Variants in KAT2B observed in about 807,000 individuals in gnomAD.
KAT2B encodes lysine acetyltransferase 2B.
In KAT2B, 36 loss-of-function variants were observed where a neutral mutation model predicts 105.9. That is an observed-to-expected ratio of 0.34 (90% confidence interval 0.26 to 0.45). The LOEUF (loss-of-function observed/expected upper bound fraction) is 0.45. KAT2B is among the 20% of genes least tolerant of loss of function. The pLI is 1.00. For synonymous variants in KAT2B, 397 were observed against 377.9 expected, an observed-to-expected ratio of 1.05 and a Z score of -0.59; for missense variants, 820 against 1,021.6, an observed-to-expected ratio of 0.80 and a Z score of 2.69.
At chr3:20,062,103 A>AT (rs1559514083) in intron 1 of KAT2B, among the ~76,000 whole-genome samples, 4 of 49,816 alleles carry the variant, frequency 8.0e-5, no homozygotes, top group African/African-American at 3.6e-4. Context: ...TAAAACATAT[A>AT]ATATATATTA....
rs543445354 is a variant in KAT2B at position 20,056,533 on chromosome 3, A to G, written c.303+15753A>G. Among the ~76,000 whole-genome samples the G allele has an allele frequency of 1.7e-3, 265 of 152,362 alleles. 2 individuals carry two copies. Among genetic ancestry groups the G allele is most frequent in the African/African-American group, 6.0e-3 (251 of 41,586 alleles). ...GAATCTGGGACATTCTGAATGCCTCATAGATGTCAGTTACTGTTACAATTA... is the reference window on the plus strand; with the variant it reads ...GAATCTGGGACATTCTGAATGCCTCGTAGATGTCAGTTACTGTTACAATTA... On this transcript the variant is annotated intron_variant, in intron 1 of 17. Coordinates refer to ENST00000263754, the MANE Select transcript of KAT2B (RefSeq NM_003884.5).
chr3:20,106,043 G>A (rs1698996171), intron 5 of KAT2B, among the ~76,000 whole-genome samples: 1 of 152,050 alleles, frequency 6.6e-6, no homozygotes, highest in African/African-American at 2.4e-5. Context: ...TAAGTAACTG[G>A]GCCTCAGTCC....
At position 20,040,446 on chromosome 3, in the gene KAT2B, A is replaced by G. The variant is rs1266246680; in HGVS notation, c.-32A>G. ...CCTGGCGGCGGCGGCGGCGCCTGAC[A>G]CTCGGCGCCTCCTGCCGTGCTCCGG... On this transcript the variant is annotated 5_prime_UTR_variant, in exon 1 of 18. Transcript: ENST00000263754. 5.2e-5 allele frequency: 57 copies of G among 1,088,456 alleles called. No individual in the cohort carries two copies. The highest frequency in any genetic ancestry group is 2.1e-4 in the Admixed American group (4 of 18,894). 67.4% of individuals were successfully genotyped at this position (1,088,456 alleles called of 1,614,324 possible).
intron 14 of KAT2B, among the ~76,000 whole-genome samples, chr3:20,147,490 G>A (rs1448148624): frequency 1.3e-5 from 2 of 152,058 alleles, no homozygotes; most frequent in Non-Finnish European, 2.9e-5. Flanking sequence ...GGAAAGAACA[G>A]GAAATCACAT....
intron 17 of KAT2B, among the ~76,000 whole-genome samples, chr3:20,149,696 T>C (rs1368199331): frequency 2.0e-5 from 3 of 152,106 alleles, no homozygotes; most frequent in African/African-American, 7.2e-5. Context: ...CACATCTATA[T>C]GCTTTTCTTT....
At chr3:20,070,594 G>A (rs758369735) in intron 1 of KAT2B, among the ~76,000 whole-genome samples, 76 of 150,914 alleles carry the variant, frequency 5.0e-4, no homozygotes, top group Non-Finnish European at 8.6e-4. Flanking sequence ...GTGACCCACC[G>A]TGCCCGGCCT....
At chr3:20,134,023 T>C (rs1699557299) in intron 11 of KAT2B, among the ~76,000 whole-genome samples, 1 of 151,976 alleles carries the variant, frequency 6.6e-6, no homozygotes, top group East Asian at 1.9e-4. Context: ...ATGTTGCAAC[T>C]ACACCCCCCC....
chr3:20,125,715 C>T (rs965488574), intron 9 of KAT2B, among the ~76,000 whole-genome samples, 190 bp from the exon 10 acceptor site: 1 of 152,180 alleles, frequency 6.6e-6, no homozygotes, highest in African/African-American at 2.4e-5. Context: ...CCTGCCTTTT[C>T]TGTCTTGTCT....
chr3:20,137,127 A>C (rs2125188974), intron 12 of KAT2B, 75 bp downstream of exon 12: 1 of 757,644 alleles, frequency 1.3e-6, no homozygotes, highest in South Asian at 1.6e-5. Context: ...TCTTCCAAAT[A>C]AGTTTCTCCC....
chr3:20,152,734 A>T lies in KAT2B; in HGVS notation c.*209A>T. 4.9e-6 allele frequency: 2 copies of T among 411,018 alleles called. No individual in the cohort carries two copies. Among genetic ancestry groups the T allele is most frequent in the Non-Finnish European group, 8.9e-6 (2 of 225,716 alleles). 25.5% of individuals were successfully genotyped at this position (411,018 alleles called of 1,614,324 possible). On this transcript the variant is annotated 3_prime_UTR_variant, in exon 18 of 18. Transcript: ENST00000263754. ...AGGACATTTTTATTTTATGGAATAGATTTTAATCTATTTACTACTATTAAG... is the reference window on the plus strand; with the variant it reads ...AGGACATTTTTATTTTATGGAATAGTTTTTAATCTATTTACTACTATTAAG...
chr3:20,151,299 G>C (rs910646642), intron 17 of KAT2B, among the ~76,000 whole-genome samples: 9 of 152,146 alleles, frequency 5.9e-5, no homozygotes, highest in Non-Finnish European at 1.3e-4. Flanking sequence ...TGATGCAAAT[G>C]AATTCCTTCC....
At chr3:20,061,394 G>T (rs537202886) in intron 1 of KAT2B, among the ~76,000 whole-genome samples, 60 of 152,248 alleles carry the variant, frequency 3.9e-4, no homozygotes, top group Non-Finnish European at 8.4e-4. Flanking sequence ...TGCTGGGGTT[G>T]CTTGGACCTT....
chr3:20,072,568 A>G (rs1390352210), intron 2 of KAT2B, 109 bp downstream of exon 2: 14 of 1,009,352 alleles, frequency 1.4e-5, no homozygotes, highest in African/African-American at 3.2e-5. Flanking sequence ...GTACCTCTGT[A>G]TGAGAGCAAC....
intron 1 of KAT2B, among the ~76,000 whole-genome samples, chr3:20,041,866 A>G (rs1040306041): frequency 2.0e-5 from 3 of 152,234 alleles, no homozygotes; most frequent in African/African-American, 7.2e-5. Flanking sequence ...TGACATAACT[A>G]TAATTTATTC....
At chr3:20,126,425 T>C (rs774160523) in intron 10 of KAT2B, among the ~76,000 whole-genome samples, 1 of 152,206 alleles carries the variant, frequency 6.6e-6, no homozygotes, top group African/African-American at 2.4e-5. Flanking sequence ...AATCAAAATA[T>C]TGGTTTTGGT....
intron 11 of KAT2B, among the ~76,000 whole-genome samples, chr3:20,134,694 A>C (rs1470187479): frequency 1.3e-5 from 2 of 152,220 alleles, no homozygotes; most frequent in Non-Finnish European, 2.9e-5. Context: ...GGCGTGAGCC[A>C]CTAGGATTAT....
At chr3:20,072,648 G>A (rs1698345899) in intron 2 of KAT2B, among the ~76,000 whole-genome samples, 189 bp downstream of exon 2, 1 of 152,216 alleles carries the variant, frequency 6.6e-6, no homozygotes, top group African/African-American at 2.4e-5. Context: ...GCTGCACTGT[G>A]TGCAGTGACT....
chr3:20,140,329 A>C lies in KAT2B; in HGVS notation c.1969A>C (p.Thr657Pro), dbSNP rs1332566768. 1.2e-6 allele frequency: 2 copies of C among 1,613,890 alleles called. No homozygotes were observed. The highest frequency in any genetic ancestry group is 1.3e-5 in the African/African-American group (1 of 74,924). Reference protein sequence around the residue: ...GCELNPRIPYTEFSVIIKKQK... With the variant: ...GCELNPRIPYPEFSVIIKKQK... ...TGAGCTAAATCCACGGATCCCGTAC[A>C]CAGAATTTTCTGTCATCATTAAAAA... The change falls in exon 13 of 18, where the codon ACA becomes CCA. Residue 657 changes from threonine to proline, a missense_variant. Thr to Pro is a conservative substitution (Grantham distance 38, BLOSUM62 -1). Coordinates refer to ENST00000263754, the MANE Select transcript of KAT2B (RefSeq NM_003884.5).
intron 1 of KAT2B, among the ~76,000 whole-genome samples, chr3:20,047,845 A>G (rs1697843110): frequency 6.6e-6 from 1 of 151,466 alleles, no homozygotes; most frequent in South Asian, 2.1e-4. Flanking sequence ...CAAACTCCTG[A>G]CCTCAAGTGA....
Sources: allele counts gnomAD v4.1 joint callset (sites outside exome capture counted in the v4.1 genomes callset), GRCh38; gene constraint gnomAD v4.1.1; transcripts MANE v1.5; gene names NCBI Gene and HGNC (gene_info 2026-07-23, HGNC 2026-07-21).